The following NALCN variants were observed in gnomAD, a reference collection of about 807,000 sequenced individuals.
The protein encoded by NALCN is sodium leak channel NALCN.
Under a neutral mutation model 225.3 loss-of-function variants are expected in NALCN, and 111 were observed. The ratio of observed to expected loss-of-function variants is 0.49; its 90% CI spans 0.42 to 0.58. The LOEUF (loss-of-function observed/expected upper bound fraction) is 0.58. Ranked by LOEUF, NALCN falls within the 20% of genes least tolerant of loss-of-function variation. The pLI is 0.00. For missense variants in NALCN, 1,378 were observed against 2,202.4 expected, an observed-to-expected ratio of 0.63 and a Z score of 7.49; for synonymous variants, 764 against 769.0, an observed-to-expected ratio of 0.99 and a Z score of 0.11.
chr13:101,397,460 TAC>T, intron 2 of NALCN, among the ~76,000 whole-genome samples: 1 of 151,212 alleles, frequency 6.6e-6, no homozygotes, highest in East Asian at 2.0e-4. Context: ...TAAATATATG[TAC>T]ACATTATACA....
chr13:101,272,421 C>T (rs1337456625), intron 10 of NALCN, among the ~76,000 whole-genome samples: 6 of 151,962 alleles, frequency 3.9e-5, no homozygotes, highest in South Asian at 2.1e-4. Flanking sequence ...TGTACAATCA[C>T]GTATAATTCA....
At chr13:101,272,953 T>C (rs1032148976) in intron 10 of NALCN, among the ~76,000 whole-genome samples, 4 of 152,190 alleles carry the variant, frequency 2.6e-5, no homozygotes, top group Non-Finnish European at 4.4e-5. Flanking sequence ...ATTAAAACAC[T>C]GAAGGAATAA....
At chr13:101,364,311 A>G (rs1427703672) in intron 6 of NALCN, among the ~76,000 whole-genome samples, 1 of 152,142 alleles carries the variant, frequency 6.6e-6, no homozygotes, top group Non-Finnish European at 1.5e-5. Context: ...CCAAATACGG[A>G]ATCAACCTAA....
chr13:101,274,238 G>A (rs1594580283), intron 10 of NALCN, among the ~76,000 whole-genome samples: 1 of 142,214 alleles, frequency 7.0e-6, no homozygotes, highest in South Asian at 2.3e-4. Context: ...AAAGGTCTTA[G>A]AAGGTCTGCA....
chr13:101,303,501 G>A (rs568437290), intron 7 of NALCN, among the ~76,000 whole-genome samples: 4 of 152,104 alleles, frequency 2.6e-5, no homozygotes, highest in East Asian at 3.9e-4. Flanking sequence ...TTCTATTTAC[G>A]TTTTAATATT....
At chr13:101,130,904 T>C (rs934275944) in intron 17 of NALCN, among the ~76,000 whole-genome samples, 1 of 152,180 alleles carries the variant, frequency 6.6e-6, no homozygotes, top group African/African-American at 2.4e-5. Flanking sequence ...AAGTTTAGTA[T>C]ACGTTTTATT....
At chr13:101,297,290 G>A (rs544775) in intron 7 of NALCN, among the ~76,000 whole-genome samples, 71,625 of 152,004 alleles carry the variant, frequency 0.47, 16,997 homozygotes, top group South Asian at 0.51. Flanking sequence ...TACCTGATCT[G>A]CCATGACAGA....
At chr13:101,291,624 T>C (rs896277100) in intron 9 of NALCN, among the ~76,000 whole-genome samples, 6 of 152,190 alleles carry the variant, frequency 3.9e-5, no homozygotes, top group African/African-American at 1.2e-4. Flanking sequence ...TGCAGCTCAC[T>C]GTACCTTTGA....
At chr13:101,367,885 C>T (rs1294708476) in intron 6 of NALCN, among the ~76,000 whole-genome samples, 7 of 152,000 alleles carry the variant, frequency 4.6e-5, no homozygotes. Flanking sequence ...CTTGATGTGG[C>T]GTCTCCTATT....
chr13:101,381,292 C>T (rs1334323226), intron 3 of NALCN, among the ~76,000 whole-genome samples: 1 of 152,028 alleles, frequency 6.6e-6, no homozygotes, highest in Admixed American at 6.6e-5. Flanking sequence ...TGTTTATGTG[C>T]TACACATAAA....
At chr13:101,165,767 C>T (rs542714884) in intron 15 of NALCN, among the ~76,000 whole-genome samples, 24 of 152,352 alleles carry the variant, frequency 1.6e-4, no homozygotes, top group Non-Finnish European at 1.3e-4. Context: ...TGAGCCACCA[C>T]GCCTAGCCCC....
At chr13:101,058,512 G>A (rs2139388677) in intron 42 of NALCN, 1 of 166,936 alleles carries the variant, frequency 6.0e-6, no homozygotes, top group South Asian at 1.5e-4. Flanking sequence ...ATGGGCCCTG[G>A]TGGAGGATGG....
At chr13:101,100,075 CTTT>C (rs2034723665) in intron 27 of NALCN, among the ~76,000 whole-genome samples, 5 of 152,050 alleles carry the variant, frequency 3.3e-5, no homozygotes, top group Admixed American at 6.6e-5. Context: ...AAGTTTGGGT[CTTT>C]GTGGAGGTCC....
Position 101,104,848 on chromosome 13 carries a change from A to G in NALCN, c.2636+46T>C. On this transcript the variant is annotated intron_variant, in intron 23 of 43. Transcript: ENST00000251127. This position sits in a 1 kb window ranked among gnomAD's most constrained non-coding sequence, Gnocchi z 4.2. ...CGTTGTATGCAGCATAAAATAGTAC[A>G]TGAAAACTTTAAATGTGCATGGAAA... 3.7e-6 allele frequency: 6 copies of G among 1,603,672 alleles called. No individual in the cohort carries two copies. The highest frequency in any genetic ancestry group is 5.1e-6 in the Non-Finnish European group (6 of 1,170,900).
At chr13:101,291,901 T>G (rs941589386) in intron 9 of NALCN, 89 bp downstream of exon 9, 2 of 1,300,550 alleles carry the variant, frequency 1.5e-6, no homozygotes, top group South Asian at 1.2e-5. Flanking sequence ...AAGCCCATCA[T>G]GCAAGAGCTT....
At chr13:101,357,422 C>T (rs1021558002) in intron 6 of NALCN, among the ~76,000 whole-genome samples, 1 of 152,062 alleles carries the variant, frequency 6.6e-6, no homozygotes, top group Non-Finnish European at 1.5e-5. Context: ...CATGAATGAA[C>T]TCCCATTCAC....
Position 101,258,527 on chromosome 13 carries a change from C to A in NALCN, c.1182G>T (p.Val394=). 6.2e-7 allele frequency: 1 copy of A among 1,614,186 alleles called. No individual in the cohort carries two copies. The highest frequency in any genetic ancestry group is 8.5e-7 in the Non-Finnish European group (1 of 1,180,036). The change falls in exon 11 of 44, where the codon GTG becomes GTT. Residue 394 remains valine, a synonymous_variant. Transcript: ENST00000251127. ...SVFHMFILSM[V]TVDVIVAASN... is the part of the protein sequence containing the mutation. ...TAGCCGCCACGATCACGTCCACGGT[C>A]ACCATGCTCAGGATGAACATGTGGA...
In NALCN at chr13:101,333,415, T is replaced by C. The variant is rs16958857; in HGVS notation, c.799+11851A>G. 8.3e-3 allele frequency among the ~76,000 whole-genome samples: 1,262 copies of C among 152,320 alleles called. 13 individuals are homozygous for C. The highest frequency in any genetic ancestry group is 0.027 in the African/African-American group (1,135 of 41,574). ...TTTATGATTCCAGAATCCCAAGTCC[T>C]AAGGGAGTGAGAGCTGAGGGGTAGG... On this transcript the variant is annotated intron_variant, in intron 7 of 43. Coordinates refer to ENST00000251127, the MANE Select transcript of NALCN (RefSeq NM_052867.4).
intron 1 of NALCN, among the ~76,000 whole-genome samples, chr13:101,414,045 T>C (rs930850901): frequency 3.3e-5 from 4 of 121,660 alleles, no homozygotes; most frequent in African/African-American, 1.4e-4. Context: ...ACCACTACAC[T>C]TGGTGAATTT....
Sources: gnomAD v4.1 joint callset for allele counts (sites outside exome capture counted in the v4.1 genomes callset) on GRCh38, gnomAD v4.1.1 for gene constraint, Gnocchi (gnomAD v3.1) non-coding constraint, MANE v1.5 for transcripts, NCBI Gene and HGNC (gene_info 2026-07-23, HGNC 2026-07-21) for gene names.